The following TARS2 variants were observed in gnomAD, a reference collection of about 807,000 sequenced individuals.
TARS2 encodes threonine--tRNA ligase, mitochondrial.
A neutral mutation model predicts 94.4 loss-of-function variants in TARS2; 61 were observed. The observed-to-expected ratio is 0.65, with a 90% CI of 0.53 to 0.80. TARS2 has a LOEUF of 0.80. Among genes scored for constraint, TARS2 ranks in the 30% least tolerant of loss-of-function variants. The pLI is 0.00. For synonymous variants in TARS2, 359 were observed against 353.4 expected, an observed-to-expected ratio of 1.02 and a Z score of -0.18; for missense variants, 704 against 902.5, an observed-to-expected ratio of 0.78 and a Z score of 2.82.
chr1:150,491,870 C>A (rs1330364680), intron 6 of TARS2: 1 of 518,426 alleles, frequency 1.9e-6, no homozygotes, highest in Non-Finnish European at 3.4e-6. Context: ...TCTCGGCTCA[C>A]TGCAACCTCC....
intron 6 of TARS2, 130 bp downstream of exon 6, chr1:150,491,792 A>T: frequency 1.2e-6 from 1 of 813,798 alleles, no homozygotes; most frequent in Non-Finnish European, 1.8e-6. Flanking sequence ...ATGGGAATTG[A>T]TTTTTTTTTT....
chr1:150,497,409 A>G, intron 9 of TARS2, 121 bp from the exon 10 acceptor site: 1 of 829,148 alleles, frequency 1.2e-6, no homozygotes, highest in East Asian at 2.5e-5. Flanking sequence ...GGGACCTGGT[A>G]TTTAATAGGT....
At chr1:150,501,882 C>CTT (rs145791174) in intron 13 of TARS2, among the ~76,000 whole-genome samples, 1 of 151,596 alleles carries the variant, frequency 6.6e-6, no homozygotes, top group African/African-American at 2.4e-5. Flanking sequence ...TAGCTAAAAT[C>CTT]TTTTTTTTGT....
At chr1:150,490,362 G>A (rs989590062) in intron 3 of TARS2, among the ~76,000 whole-genome samples, 2 of 151,918 alleles carry the variant, frequency 1.3e-5, no homozygotes, top group Admixed American at 6.6e-5. Flanking sequence ...CAGATGATCC[G>A]CCTGCCTTGA....
chr1:150,496,620 A>C lies in TARS2; in HGVS notation c.913A>C (p.Ile305Leu). 2 of 1,613,462 alleles carry C rather than the reference A, an allele frequency of 1.2e-6. No individual in the cohort carries two copies. The highest frequency in any genetic ancestry group is 1.7e-6 in the Non-Finnish European group (2 of 1,179,800). Residue 305 changes from isoleucine to leucine, a missense_variant, in exon 8 of 18, where the codon ATT (isoleucine) becomes CTT (leucine). Transcript: ENST00000369064. ...AGCAGAATTGCGGGACCACCGGCGCATTGGGAAGGTACAGGAATTGGGAAG... is the reference window on the plus strand; with the variant it reads ...AGCAGAATTGCGGGACCACCGGCGCCTTGGGAAGGTACAGGAATTGGGAAG... ...EEAELRDHRR[I>L]GKEQELFFFH...
chr1:150,488,314 CA>C, intron 2 of TARS2: 1 of 366,942 alleles, frequency 2.7e-6, no homozygotes, highest in Non-Finnish European at 5.0e-6. Context: ...GGATTACAGG[CA>C]TGAGCCACCA....
intron 3 of TARS2, among the ~76,000 whole-genome samples, 192 bp from the exon 4 acceptor site, chr1:150,490,409 G>A (rs1393435864): frequency 6.6e-6 from 1 of 152,162 alleles, no homozygotes. Flanking sequence ...ATGAGCTGCT[G>A]TGCCCAGCCT....
chr1:150,491,527 G>A lies in TARS2; in HGVS notation c.630+16G>A. 1 of 1,614,138 alleles carries A rather than the reference G, an allele frequency of 6.2e-7. No individual in the cohort carries two copies. The highest frequency in any genetic ancestry group is 8.5e-7 in the Non-Finnish European group (1 of 1,179,972). On this transcript the variant is annotated intron_variant, in intron 5 of 17. Coordinates refer to ENST00000369064, the MANE Select transcript of TARS2 (RefSeq NM_025150.5). ...GTTGTTCAAGGTGGGGTGGAGGGAA[G>A]AGGTGGCTCTTCCAGGACATCTTTG...
intron 13 of TARS2, among the ~76,000 whole-genome samples, chr1:150,501,502 CTT>C (rs200789049): frequency 4.6e-5 from 6 of 130,734 alleles, no homozygotes; most frequent in Non-Finnish European, 6.6e-5. Flanking sequence ...TAATTTTTTT[CTT>C]TTTTTTTTTT....
Position 150,491,400 on chromosome 1 carries a change from C to A in TARS2, c.519C>A (p.Ile173=). The A allele has an allele frequency of 6.2e-7, 1 of 1,612,806 alleles. No individual in the cohort carries two copies. The highest frequency in any genetic ancestry group is 1.1e-5 in the South Asian group (1 of 91,018). ...HDFFLGKERT[I]RGSELPVLER... ...CCAATTCTCCTCTTTCCAGGACAATCCGGGGCTCAGAGCTGCCTGTTTTGG... is the reference window on the plus strand; with the variant it reads ...CCAATTCTCCTCTTTCCAGGACAATACGGGGCTCAGAGCTGCCTGTTTTGG... Residue 173 remains isoleucine, a synonymous_variant, in exon 5 of 18, where the codon ATC becomes ATA. Coordinates refer to ENST00000369064, the MANE Select transcript of TARS2 (RefSeq NM_025150.5).
Position 150,507,097 on chromosome 1 carries a change from A to G in TARS2, c.*33A>G, listed in dbSNP as rs748252781. On this transcript the variant is annotated 3_prime_UTR_variant, in exon 18 of 18. Transcript: ENST00000369064. Reference sequence around the variant, plus strand: ...TACATAGATGAGGCAAAAACCTGCGAGTGCCATCAGCCTCCCTCACATGGG... The same window carrying G: ...TACATAGATGAGGCAAAAACCTGCGGGTGCCATCAGCCTCCCTCACATGGG... The G allele has an allele frequency of 6.3e-5, 102 of 1,611,138 alleles. No individual in the cohort carries two copies. Among genetic ancestry groups the G allele is most frequent in the Middle Eastern group, 3.7e-4 (2 of 5,348 alleles).
chr1:150,505,715 A>C lies in TARS2; in HGVS notation c.2008+10A>C. 1 of 1,610,112 alleles carries C rather than the reference A, an allele frequency of 6.2e-7. No homozygotes were observed. Among genetic ancestry groups the C allele is most frequent in the African/African-American group, 1.3e-5 (1 of 74,798 alleles). On this transcript the variant is annotated intron_variant, in intron 17 of 17. Transcript: ENST00000369064. ...TACAATTTTCAGTTTGGTAAGCTGA[A>C]CCTCAGAGCCAATGTTCTCCCACCT... is the stretch of plus-strand genomic sequence containing the variant.
chr1:150,497,455 A>T, intron 9 of TARS2, 75 bp from the exon 10 acceptor site: 1 of 1,427,064 alleles, frequency 7.0e-7, no homozygotes, highest in Non-Finnish European at 9.8e-7. Flanking sequence ...GGGCCCAGGA[A>T]GATCACACAG....
In TARS2 at chr1:150,504,699, T is replaced by A. The variant is rs760695762; in HGVS notation, c.1786T>A (p.Leu596Met). 6.2e-7 allele frequency: 1 copy of A among 1,614,072 alleles called. No individual in the cohort carries two copies. ...RAVLGSVERL[L>M]GVLAESCGGK... ...AGTGCTCGGTTCTGTGGAAAGACTG[T>A]TGGGAGTGCTGGCAGAAAGCTGCGG... Residue 596 changes from leucine (L) to methionine (M), a missense_variant, in exon 15 of 18, where the codon TTG (leucine) becomes ATG (methionine). Coordinates refer to ENST00000369064, the MANE Select transcript of TARS2 (RefSeq NM_025150.5).
In TARS2 at chr1:150,504,315, T is replaced by G; in HGVS notation, c.1618-20T>G. Reference sequence around the variant, plus strand: ...TAGTGCTTCTGGCTTATCTCGTGCCTTCCCATCTGTTTCCTGTAGATTGAC... The same window carrying G: ...TAGTGCTTCTGGCTTATCTCGTGCCGTCCCATCTGTTTCCTGTAGATTGAC... On this transcript the variant is annotated intron_variant, in intron 13 of 17. Transcript: ENST00000369064. 2.5e-6 allele frequency: 4 copies of G among 1,613,342 alleles called. No individual in the cohort carries two copies. The highest frequency in any genetic ancestry group is 3.4e-6 in the Non-Finnish European group (4 of 1,179,470).
chr1:150,500,674 G>T (rs587664796), intron 13 of TARS2, among the ~76,000 whole-genome samples: 1 of 151,882 alleles, frequency 6.6e-6, no homozygotes, highest in African/African-American at 2.4e-5. Flanking sequence ...ATCACCTGAG[G>T]TCAGGGGTTT....
rs772482080 is a variant in TARS2 at position 150,487,860 on chromosome 1, A to C, written c.69A>C (p.Ala23=). 1 of 1,612,472 alleles carries C rather than the reference A, an allele frequency of 6.2e-7. No individual in the cohort carries two copies. The highest frequency in any genetic ancestry group is 8.5e-7 in the Non-Finnish European group (1 of 1,179,776). The part of the protein sequence containing the change: ...QGLQACRLHT[A]VVSTPPRWLA... The stretch of plus-strand genomic sequence containing the variant: ...TGCTAATATATCTTTCCCTCCAGGC[A>C]GTTGTGTCGACCCCTCCACGCTGGT... Residue 23 remains alanine (A), a splice_region_variant and synonymous_variant, in exon 2 of 18, where the codon GCA becomes GCC. Coordinates refer to ENST00000369064, the MANE Select transcript of TARS2 (RefSeq NM_025150.5).
At chr1:150,499,655 C>T (rs964970783) in intron 13 of TARS2, among the ~76,000 whole-genome samples, 19 of 152,110 alleles carry the variant, frequency 1.2e-4, no homozygotes, top group African/African-American at 4.6e-4. Flanking sequence ...CGTGAGCCAC[C>T]GCACCCGGCC....
intron 13 of TARS2, among the ~76,000 whole-genome samples, chr1:150,501,418 C>T (rs1275433531): frequency 1.4e-5 from 2 of 147,044 alleles, no homozygotes; most frequent in African/African-American, 2.5e-5. Context: ...CCTGGATTCA[C>T]GCCATTCTCC....
Sources: allele counts gnomAD v4.1 joint callset (sites outside exome capture counted in the v4.1 genomes callset), GRCh38; gene constraint gnomAD v4.1.1; transcripts MANE v1.5; gene names NCBI Gene and HGNC (gene_info 2026-07-23, HGNC 2026-07-21).